Variants in ITGBL1 observed in about 807,000 individuals in gnomAD.
The protein encoded by ITGBL1 is integrin beta-like protein 1.
A neutral mutation model predicts 68.5 loss-of-function variants in ITGBL1; 51 were observed. The observed-to-expected ratio is 0.74, with a 90% CI of 0.59 to 0.94. The LOEUF is 0.94. ITGBL1 is among the 40% of genes least tolerant of loss of function. The pLI, the probability that ITGBL1 is intolerant of heterozygous loss-of-function variation, is 0.00. For synonymous variants in ITGBL1, 209 were observed against 227.3 expected, an observed-to-expected ratio of 0.92 and a Z score of 0.72; for missense variants, 649 against 647.4, an observed-to-expected ratio of 1.00 and a Z score of -0.03.
chr13:101,604,033 A>C (rs544637789), intron 7 of ITGBL1, among the ~76,000 whole-genome samples: 1 of 152,104 alleles, frequency 6.6e-6, no homozygotes, highest in East Asian at 1.9e-4. Context: ...TTTTAAAACA[A>C]AGAAATGAAC....
intron 7 of ITGBL1, among the ~76,000 whole-genome samples, chr13:101,641,757 C>G (rs1594948692): frequency 6.9e-6 from 1 of 145,254 alleles, no homozygotes; most frequent in East Asian, 2.0e-4. Flanking sequence ...GTTCCCCTTC[C>G]TGTGTCCATG....
At chr13:101,646,179 A>C (rs1005110738) in intron 7 of ITGBL1, among the ~76,000 whole-genome samples, 1 of 152,176 alleles carries the variant, frequency 6.6e-6, no homozygotes, top group African/African-American at 2.4e-5. Flanking sequence ...TTTTGAGGAC[A>C]GTATGCTTCT....
At chr13:101,615,631 A>C (rs2031318897) in intron 7 of ITGBL1, among the ~76,000 whole-genome samples, 1 of 151,912 alleles carries the variant, frequency 6.6e-6, no homozygotes, top group African/African-American at 2.4e-5. Context: ...TGGTGCTCTT[A>C]CAAAAGAGAC....
intron 2 of ITGBL1, among the ~76,000 whole-genome samples, chr13:101,496,541 C>T (rs961169427): frequency 6.6e-6 from 1 of 152,172 alleles, no homozygotes; most frequent in Non-Finnish European, 1.5e-5. Flanking sequence ...TTTACTCCTA[C>T]AGAGAAAAAA....
At chr13:101,690,453 A>G (rs1362207398) in intron 7 of ITGBL1, among the ~76,000 whole-genome samples, 1 of 152,172 alleles carries the variant, frequency 6.6e-6, no homozygotes, top group South Asian at 2.1e-4. Flanking sequence ...GGTTCTATGT[A>G]ACTGGAATGC....
chr13:101,618,862 A>T (rs1434993154), intron 7 of ITGBL1, among the ~76,000 whole-genome samples: 3 of 152,172 alleles, frequency 2.0e-5, no homozygotes, highest in African/African-American at 7.2e-5. Context: ...GGAGAAAAAA[A>T]ATATTCAGGG....
intron 6 of ITGBL1, among the ~76,000 whole-genome samples, chr13:101,594,183 A>G (rs149358157): frequency 6.6e-4 from 101 of 152,294 alleles, no homozygotes; most frequent in Non-Finnish European, 1.2e-3. Context: ...TTCAAATTAT[A>G]TTACAAAACT....
intron 7 of ITGBL1, among the ~76,000 whole-genome samples, chr13:101,664,288 A>G (rs1053761383): frequency 6.6e-6 from 1 of 152,188 alleles, no homozygotes; most frequent in Non-Finnish European, 1.5e-5. Flanking sequence ...CAGATCAGAT[A>G]GCATCATCCA....
intron 7 of ITGBL1, among the ~76,000 whole-genome samples, chr13:101,634,066 A>G (rs2032081852): frequency 6.6e-6 from 1 of 152,200 alleles, no homozygotes; most frequent in Admixed American, 6.5e-5. Context: ...TTTAATTATA[A>G]TATTCTAATC....
intron 10 of ITGBL1, 127 bp downstream of exon 10, chr13:101,714,678 A>G (rs1274914392): frequency 3.1e-6 from 2 of 651,586 alleles, no homozygotes; most frequent in Non-Finnish European, 5.5e-6. Context: ...TATCTACCAA[A>G]GGCGAAGTGG....
At chr13:101,638,932 G>A (rs1156387174) in intron 7 of ITGBL1, among the ~76,000 whole-genome samples, 1 of 152,130 alleles carries the variant, frequency 6.6e-6, no homozygotes, top group African/African-American at 2.4e-5. Context: ...AATGTTGAAT[G>A]TTTTACTTAA....
intron 2 of ITGBL1, among the ~76,000 whole-genome samples, chr13:101,562,265 GAA>G (rs1375460133): frequency 2.6e-5 from 4 of 151,566 alleles, no homozygotes; most frequent in Admixed American, 2.6e-4. Flanking sequence ...ACAGAAAGCA[GAA>G]AAAAGAGGCA....
At chr13:101,481,700 A>C (rs979649353) in intron 2 of ITGBL1, among the ~76,000 whole-genome samples, 3 of 152,176 alleles carry the variant, frequency 2.0e-5, no homozygotes, top group Non-Finnish European at 4.4e-5. Flanking sequence ...AAATCTTTTT[A>C]AATTCATTCA....
intron 2 of ITGBL1, among the ~76,000 whole-genome samples, chr13:101,507,273 C>G (rs568434077): frequency 3.5e-4 from 53 of 152,306 alleles, no homozygotes; most frequent in African/African-American, 1.2e-3. Context: ...GCTTTGTTCT[C>G]TGCTTTACCC....
chr13:101,605,508 G>GACATGTATATGTGTATA (rs2030743029), intron 7 of ITGBL1, among the ~76,000 whole-genome samples: 8 of 137,280 alleles, frequency 5.8e-5, no homozygotes, highest in Admixed American at 1.5e-4. Context: ...ATGTATATGC[G>GACATGTATATGTGTATA]TATACACATA....
chr13:101,702,735 G>T (rs1053781674), intron 8 of ITGBL1, among the ~76,000 whole-genome samples: 1 of 152,186 alleles, frequency 6.6e-6, no homozygotes, highest in African/African-American at 2.4e-5. Flanking sequence ...AATTGAGCTG[G>T]TACTAGAAGC....
At chr13:101,709,374 A>C (rs1160299250) in intron 9 of ITGBL1, among the ~76,000 whole-genome samples, 4 of 70,690 alleles carry the variant, frequency 5.7e-5, no homozygotes, top group African/African-American at 1.4e-4. Flanking sequence ...TCCGTCTCAA[A>C]AAAAAAAAAA....
At chr13:101,688,280 T>C (rs2033803362) in intron 7 of ITGBL1, among the ~76,000 whole-genome samples, 1 of 152,144 alleles carries the variant, frequency 6.6e-6, no homozygotes, top group Admixed American at 6.6e-5. Context: ...CATTCAGTAT[T>C]CTACTAGGTA....
At chr13:101,669,394 G>A (rs995907987) in intron 7 of ITGBL1, among the ~76,000 whole-genome samples, 3 of 152,030 alleles carry the variant, frequency 2.0e-5, no homozygotes, top group Non-Finnish European at 4.4e-5. Context: ...AATTTAAAAA[G>A]AAGAAAATAT....
Sources: allele counts gnomAD v4.1 joint callset (sites outside exome capture counted in the v4.1 genomes callset), GRCh38; gene constraint gnomAD v4.1.1; transcripts MANE v1.5; gene names NCBI Gene and HGNC (gene_info 2026-07-23, HGNC 2026-07-21).